GSE1: variants seen among roughly 807,000 people sequenced by gnomAD.
The protein encoded by GSE1 is genetic suppressor element 1.
Under a neutral mutation model 112.6 loss-of-function variants are expected in GSE1, and 32 were observed. The ratio of observed to expected loss-of-function variants is 0.28; its 90% CI spans 0.21 to 0.38. GSE1 has a LOEUF of 0.38. Ranked by LOEUF, GSE1 falls within the 10% of genes least tolerant of loss-of-function variation. The pLI, the probability that GSE1 is intolerant of heterozygous loss-of-function variation, is 1.00. For synonymous variants in GSE1, 1,115 were observed against 735.6 expected (o/e 1.52, Z -8.35); for missense variants, 2,348 against 1,699.2 (o/e 1.38, Z -6.71).
At chr16:85,437,484 G>A (rs2049276429) in intron 2 of GSE1, among the ~76,000 whole-genome samples, 1 of 152,088 alleles carries the variant, frequency 6.6e-6, no homozygotes, top group Non-Finnish European at 1.5e-5. Flanking sequence ...TGACATCTAG[G>A]GAGGCGGCAC....
chr16:85,668,457 G>C (rs761729902), intron 14 of GSE1, 33 bp downstream of exon 14: 3 of 1,326,824 alleles, frequency 2.3e-6, no homozygotes, highest in Non-Finnish European at 3.2e-6. Context: ...GGGGGAGGGG[G>C]TCAGGAAAGT....
rs2049798022 is a variant in GSE1, at chr16:85,634,239, A to G, written c.226+107A>G. 1.6e-5 allele frequency: 12 copies of G among 768,320 alleles called. No individual in the cohort carries two copies. The South Asian group carries it at 2.3e-4, about 15-fold the overall frequency. 47.6% of individuals were successfully genotyped at this position (768,320 alleles called of 1,614,324 possible). ...GCTCACAGCAGGTCTCGTCTTTCCC[A>G]CGCCGTGTGCTCTGCATGGAGCAGG... On this transcript the variant is annotated intron_variant, in intron 2 of 15. Transcript: ENST00000253458.
chr16:85,316,013 C>T (rs1438092786), intron 1 of GSE1, among the ~76,000 whole-genome samples: 2 of 152,204 alleles, frequency 1.3e-5, no homozygotes, highest in Non-Finnish European at 1.5e-5. Context: ...CCTCTGGCCG[C>T]TCCTGCGTCA....
intron 1 of GSE1, among the ~76,000 whole-genome samples, chr16:85,616,677 C>T (rs1161249008): frequency 6.6e-6 from 1 of 151,940 alleles, no homozygotes; most frequent in Non-Finnish European, 1.5e-5. Context: ...GAAGCCTGGC[C>T]GCCTGGCTTT....
chr16:85,366,829 T>A (rs2047195096), intron 2 of GSE1, among the ~76,000 whole-genome samples: 1 of 152,288 alleles, frequency 6.6e-6, no homozygotes, highest in African/African-American at 2.4e-5. Flanking sequence ...GCAAAATTGC[T>A]GTTAAGAGGG....
At chr16:85,453,292 T>C (rs921841227) in intron 2 of GSE1, among the ~76,000 whole-genome samples, 1 of 152,132 alleles carries the variant, frequency 6.6e-6, no homozygotes, top group African/African-American at 2.4e-5. Context: ...CCCACCCTCC[T>C]CTACCTCCCT....
At chr16:85,184,651 A>G (rs2074663396) in intron 1 of GSE1, among the ~76,000 whole-genome samples, 1 of 152,128 alleles carries the variant, frequency 6.6e-6, no homozygotes, top group Non-Finnish European at 1.5e-5. Context: ...GTGATAAGTC[A>G]TTTCTCATTC....
intron 1 of GSE1, among the ~76,000 whole-genome samples, chr16:85,335,516 G>A (rs910634013): frequency 2.6e-5 from 4 of 152,216 alleles, no homozygotes; most frequent in African/African-American, 4.8e-5. Context: ...GGTGGGCTGG[G>A]CTCCCTGCAG....
chr16:85,295,936 G>T (rs918715941), intron 1 of GSE1, among the ~76,000 whole-genome samples: 5 of 151,936 alleles, frequency 3.3e-5, no homozygotes, highest in Admixed American at 1.3e-4. Context: ...CCTTGCTTTG[G>T]GCCCTTATTT....
rs529351794 is a variant in GSE1, at chr16:85,480,480, T to G, written c.2464+122837T>G. On this transcript the variant is annotated intron_variant, in intron 2 of 2. Transcript: ENST00000637419. ...TCCACTCCACCCTGTTTCTGAGCCC[T>G]CTTGGGCCTCGACACTCCTGTGACT... Among the ~76,000 whole-genome samples, 1,359 of 152,328 alleles carry G rather than the reference T, an allele frequency of 8.9e-3. 10 individuals carry two copies. The highest frequency in any genetic ancestry group is 0.015 in the Non-Finnish European group (997 of 68,016).
chr16:85,531,642 T>C (rs2044141669), intron 2 of GSE1, among the ~76,000 whole-genome samples: 2 of 152,218 alleles, frequency 1.3e-5, no homozygotes. Context: ...CCCACACTGC[T>C]GTATGGCCTC....
rs760004162 is a variant in GSE1, at chr16:85,662,968, A to G, written c.2261-13A>G. On this transcript the variant is annotated splice_polypyrimidine_tract_variant and intron_variant, in intron 9 of 15. Coordinates refer to ENST00000253458, the MANE Select transcript of GSE1 (RefSeq NM_014615.5). ...GCTCTTTGTCTGGCTGAATACAACC[A>G]TTTCTCCATCAGGGTACTACTACGA... The G allele has an allele frequency of 3.9e-6, 6 of 1,545,946 alleles. No individual in the cohort carries two copies. The highest frequency in any genetic ancestry group is 2.2e-5 in the East Asian group (1 of 44,576).
chr16:85,512,728 A>G (rs1262634691), intron 2 of GSE1, among the ~76,000 whole-genome samples: 2 of 152,148 alleles, frequency 1.3e-5, no homozygotes, highest in Non-Finnish European at 2.9e-5. Flanking sequence ...AAGCGCTCCC[A>G]TCACCCAGGG....
intron 2 of GSE1, among the ~76,000 whole-genome samples, chr16:85,431,321 G>C (rs59953648): frequency 0.016 from 2,449 of 152,348 alleles, 67 homozygotes; most frequent in African/African-American, 0.056. Flanking sequence ...CCCAGCCCGC[G>C]GTGCCGCATG....
At chr16:85,577,771 C>T (rs563203483) in intron 1 of GSE1, among the ~76,000 whole-genome samples, 2 of 152,286 alleles carry the variant, frequency 1.3e-5, no homozygotes, top group African/African-American at 4.8e-5. Flanking sequence ...GGAAGAAGCC[C>T]GGGTCCCCCA....
At chr16:85,512,032 A>G (rs1215896566) in intron 2 of GSE1, among the ~76,000 whole-genome samples, 1 of 152,166 alleles carries the variant, frequency 6.6e-6, no homozygotes, top group African/African-American at 2.4e-5. Flanking sequence ...AGGGAGGTGC[A>G]TCGCAGTGTT....
intron 1 of GSE1, among the ~76,000 whole-genome samples, chr16:85,348,229 A>T (rs1181562985): frequency 1.3e-5 from 2 of 151,360 alleles, no homozygotes; most frequent in African/African-American, 4.9e-5. Context: ...TCATCCATCC[A>T]CCTGTCCATC....
chr16:85,370,814 A>T (rs1202153550), intron 2 of GSE1, among the ~76,000 whole-genome samples: 1 of 152,148 alleles, frequency 6.6e-6, no homozygotes, highest in Non-Finnish European at 1.5e-5. Context: ...CTGTGTGACC[A>T]CCTTTGGGAA....
At chr16:85,263,613 C>T (rs915920201) in intron 1 of GSE1, among the ~76,000 whole-genome samples, 2 of 151,642 alleles carry the variant, frequency 1.3e-5, no homozygotes, top group East Asian at 3.9e-4. Context: ...CAGTTTGTCG[C>T]CCAGGCTGGA....
Sources: gnomAD v4.1 joint callset for allele counts (sites outside exome capture counted in the v4.1 genomes callset) on GRCh38, gnomAD v4.1.1 for gene constraint, MANE v1.5 for transcripts, NCBI Gene and HGNC (gene_info 2026-07-23, HGNC 2026-07-21) for gene names.